Variants in MIPOL1 observed in about 807,000 individuals in gnomAD.
MIPOL1 encodes the protein mirror-image polydactyly 1.
Under a neutral mutation model 60.9 loss-of-function variants are expected in MIPOL1, and 57 were observed. The ratio of observed to expected loss-of-function variants is 0.94; its 90% CI spans 0.76 to 1.17. The LOEUF is 1.17. MIPOL1 is among the 50% of genes most tolerant of loss of function. The pLI, the probability that MIPOL1 is intolerant of heterozygous loss-of-function variation, is 0.00. For missense variants in MIPOL1, 551 were observed against 511.6 expected, an observed-to-expected ratio of 1.08 and a Z score of -0.74; for synonymous variants, 179 against 168.8, an observed-to-expected ratio of 1.06 and a Z score of -0.47.
intron 1 of MIPOL1, among the ~76,000 whole-genome samples, chr14:37,198,881 G>T (rs1404514890): frequency 1.3e-5 from 2 of 152,094 alleles, no homozygotes; most frequent in African/African-American, 4.8e-5. Flanking sequence ...AATTATTGGC[G>T]TTTCAAAGTT....
intron 9 of MIPOL1, among the ~76,000 whole-genome samples, chr14:37,349,049 C>T (rs2091158812): frequency 7.9e-6 from 1 of 127,250 alleles, no homozygotes; most frequent in Non-Finnish European, 1.6e-5. Context: ...AGTGCAATGG[C>T]AGAATCTCGG....
intron 10 of MIPOL1, among the ~76,000 whole-genome samples, chr14:37,381,643 T>G (rs1352988626): frequency 6.6e-6 from 1 of 151,856 alleles, no homozygotes; most frequent in Non-Finnish European, 1.5e-5. Flanking sequence ...AGTGCAGTGG[T>G]ACAGTTGTAG....
At chr14:37,484,366 T>G (rs1413856617) in intron 11 of MIPOL1, among the ~76,000 whole-genome samples, 1 of 128,734 alleles carries the variant, frequency 7.8e-6, no homozygotes, top group Non-Finnish European at 1.6e-5. Flanking sequence ...TGAGACGGAG[T>G]CTCGCTCTGT....
chr14:37,257,083 T>C (rs1975065749), intron 3 of MIPOL1, among the ~76,000 whole-genome samples: 1 of 132,024 alleles, frequency 7.6e-6, no homozygotes, highest in Admixed American at 8.6e-5. Context: ...TTTTGGGTTT[T>C]TTGGTTTTGT....
chr14:37,381,749 A>AT (rs71127215), intron 10 of MIPOL1, among the ~76,000 whole-genome samples: 32,372 of 145,954 alleles, frequency 0.22, 3,828 homozygotes, highest in South Asian at 0.36. Context: ...TGCCCTGCTA[A>AT]TTTTTTTTTT....
At chr14:37,302,732 A>T (rs2086419583) in intron 7 of MIPOL1, among the ~76,000 whole-genome samples, 1 of 151,728 alleles carries the variant, frequency 6.6e-6, no homozygotes, top group South Asian at 2.1e-4. Flanking sequence ...CCTATGTCAA[A>T]AATAAGTTGA....
At position 37,302,722 on chromosome 14, in the gene MIPOL1, C is replaced by T. The variant is rs1011799825; in HGVS notation, c.624-5334C>T. On this transcript the variant is annotated intron_variant, in intron 7 of 12. Transcript: ENST00000684589. ...ATTTCTACATTAAATTTCCTTTGCA[C>T]CTATGTCAAAAATAAGTTGACTATA... 4.0e-5 allele frequency among the ~76,000 whole-genome samples: 6 copies of T among 150,660 alleles called. No individual in the cohort carries two copies. The East Asian group carries it at 9.8e-4, about 25-fold the overall frequency.
At chr14:37,383,738 G>A (rs2092990131) in intron 10 of MIPOL1, among the ~76,000 whole-genome samples, 1 of 151,888 alleles carries the variant, frequency 6.6e-6, no homozygotes. Flanking sequence ...AATAAATTCT[G>A]CTGTGTTAAT....
intron 11 of MIPOL1, among the ~76,000 whole-genome samples, chr14:37,451,062 A>G (rs2094409946): frequency 6.6e-6 from 1 of 152,210 alleles, no homozygotes; most frequent in Non-Finnish European, 1.5e-5. Context: ...AGTTTTTAAT[A>G]GGAATATTAT....
intron 1 of MIPOL1, among the ~76,000 whole-genome samples, chr14:37,245,285 A>G (rs1480671602): frequency 6.6e-6 from 1 of 152,156 alleles, no homozygotes; most frequent in East Asian, 1.9e-4. Context: ...CTTTAAGACC[A>G]TTTTGCATTG....
chr14:37,215,251 C>T (rs970693317), intron 1 of MIPOL1, among the ~76,000 whole-genome samples: 2 of 152,016 alleles, frequency 1.3e-5, no homozygotes, highest in African/African-American at 4.8e-5. Flanking sequence ...CTTACCCTGC[C>T]CCCTTGTCTT....
chr14:37,349,838 C>T (rs1466461944), intron 9 of MIPOL1, among the ~76,000 whole-genome samples: 1 of 152,130 alleles, frequency 6.6e-6, no homozygotes, highest in Non-Finnish European at 1.5e-5. Flanking sequence ...GATGCTGTAT[C>T]CGCAGCCATA....
At position 37,331,669 on chromosome 14, in the gene MIPOL1, G is replaced by A. The variant is rs57773261; in HGVS notation, c.828+23150G>A. The stretch of plus-strand genomic sequence containing the variant: ...TTATCAGTTCTAATAGTTTTTTTGT[G>A]TAGTTTTTAGGTTTTCCTAAATATA... On this transcript the variant is annotated intron_variant, in intron 9 of 12. Coordinates refer to ENST00000684589, the MANE Select transcript of MIPOL1 (RefSeq NM_001388067.1). Among the ~76,000 whole-genome samples, 102 of 151,166 alleles carry A rather than the reference G, an allele frequency of 6.7e-4. 1 individual carries two copies. The highest frequency in any genetic ancestry group is 2.4e-3 in the African/African-American group (100 of 41,182).
intron 3 of MIPOL1, among the ~76,000 whole-genome samples, chr14:37,256,561 T>TA (rs559850840): frequency 1.1e-3 from 169 of 151,912 alleles, no homozygotes; most frequent in Non-Finnish European, 2.1e-3. Context: ...AGTTTAAAGT[T>TA]AAAAAAAGTA....
intron 10 of MIPOL1, among the ~76,000 whole-genome samples, chr14:37,418,420 A>G (rs61988200): frequency 3.5e-4 from 54 of 152,288 alleles, no homozygotes; most frequent in South Asian, 6.2e-4. Context: ...AGGTAACTAT[A>G]AGACTAACCT....
intron 11 of MIPOL1, among the ~76,000 whole-genome samples, chr14:37,436,351 A>C (rs2094162981): frequency 6.6e-6 from 1 of 152,030 alleles, no homozygotes; most frequent in South Asian, 2.1e-4. Context: ...AATAAATTTC[A>C]CTCAGTTTAA....
At chr14:37,230,551 T>C (rs986185335) in intron 1 of MIPOL1, among the ~76,000 whole-genome samples, 2 of 152,222 alleles carry the variant, frequency 1.3e-5, no homozygotes, top group African/African-American at 4.8e-5. Context: ...CTGCCACTTT[T>C]CTTTTTCCTA....
intron 7 of MIPOL1, among the ~76,000 whole-genome samples, chr14:37,295,405 A>G (rs1279612993): frequency 6.6e-6 from 1 of 152,204 alleles, no homozygotes; most frequent in African/African-American, 2.4e-5. Context: ...ACTAATAAGC[A>G]AAATAACCAG....
chr14:37,361,622 T>C (rs1322113475), intron 9 of MIPOL1, among the ~76,000 whole-genome samples: 1 of 118,378 alleles, frequency 8.4e-6, no homozygotes, highest in Non-Finnish European at 1.9e-5. Flanking sequence ...TTTTTTTTTT[T>C]TTTTTTTTTT....
Sources: gnomAD v4.1 joint callset for allele counts (sites outside exome capture counted in the v4.1 genomes callset) on GRCh38, gnomAD v4.1.1 for gene constraint, MANE v1.5 for transcripts, NCBI Gene and HGNC (gene_info 2026-07-23, HGNC 2026-07-21) for gene names.